Variants in OR3A2 observed in about 807,000 individuals in gnomAD.
OR3A2 encodes olfactory receptor family 3 subfamily A member 2, also known as olfactory receptor 3A2.
For missense variants in OR3A2, 318 were observed against 392.8 expected, an observed-to-expected ratio of 0.81 and a Z score of 1.61; for synonymous variants, 126 against 159.3, an observed-to-expected ratio of 0.79 and a Z score of 1.57.
rs552615698 is a variant in OR3A2, at chr17:3,375,139, CTTTTTTTTTTTTTTTT to C, written c.-179+8649_-179+8664del. The stretch of plus-strand genomic sequence containing the variant: ...TATCTGGCAATTCAGAGCCTTCTTC[CTTTTTTTTTTTTTTTT>C]TTTTTTTTTTTTTTCTTTTTGAGAC... On this transcript the variant is annotated intron_variant, in intron 2 of 4. Coordinates refer to the OR3A2 transcript ENST00000573491. Among the ~76,000 whole-genome samples the C allele has an allele frequency of 0.013, 378 of 28,724 alleles. 13 individuals are homozygous for C. In the South Asian group the frequency reaches 0.27, roughly 20 times the overall value. The allele number at this position is 28,724 out of a possible 152,430, so 18.8% of individuals were successfully genotyped here. A position where few individuals can be genotyped will look rare whatever the true frequency, so the allele number is the denominator to read the frequency against.
chr17:3,347,241 T>C (rs200610556), intron 2 of OR3A2, among the ~76,000 whole-genome samples: 5 of 17,562 alleles, frequency 2.8e-4, no homozygotes, highest in African/African-American at 6.9e-4. Context: ...TATGTCTTCT[T>C]TTTTTTTTTA....
chr17:3,340,354 G>A (rs1204979424), intron 2 of OR3A2, among the ~76,000 whole-genome samples: 1 of 152,070 alleles, frequency 6.6e-6, no homozygotes, highest in Admixed American at 6.6e-5. Flanking sequence ...TTTTCATTGT[G>A]ATGTTAGGGT....
At chr17:3,321,699 T>G (rs2049123723) in intron 3 of OR3A2, among the ~76,000 whole-genome samples, 1 of 152,230 alleles carries the variant, frequency 6.6e-6, no homozygotes. Flanking sequence ...TTGGCATATG[T>G]TGAACCAGCC....
At chr17:3,378,865 G>A (rs1027623475) in intron 2 of OR3A2, among the ~76,000 whole-genome samples, 2 of 152,130 alleles carry the variant, frequency 1.3e-5, no homozygotes, top group East Asian at 3.8e-4. Flanking sequence ...AACTTGCTGT[G>A]CCCAAGTCTT....
chr17:3,283,568 C>T (rs952609439), intron 1 of OR3A2, among the ~76,000 whole-genome samples: 8 of 152,090 alleles, frequency 5.3e-5, no homozygotes, highest in Non-Finnish European at 7.4e-5. Flanking sequence ...AAAATGTGTA[C>T]GATATCATCA....
chr17:3,354,588 C>A (rs368220542), intron 2 of OR3A2, among the ~76,000 whole-genome samples: 1 of 151,076 alleles, frequency 6.6e-6, no homozygotes. Flanking sequence ...TTCAAAGTTC[C>A]GTGGTATCAG....
rs61124691 is a variant in OR3A2 at position 3,325,203 on chromosome 17, A to ATTTTT, written c.-85+10825_-85+10829dup. ...CAGCTTGTGTTCAAAGATCCTTCCA[A>ATTTTT]TTTTTTTTTTTTTTTTTTTTTTTGA... On this transcript the variant is annotated intron_variant, in intron 3 of 4. Coordinates refer to the OR3A2 transcript ENST00000573491. Among the ~76,000 whole-genome samples the ATTTTT allele has an allele frequency of 7.1e-4, 77 of 108,582 alleles. 2 individuals carry two copies. Among genetic ancestry groups the ATTTTT allele is most frequent in the African/African-American group, 2.0e-3 (56 of 27,516 alleles). The allele number at this position is 108,582 out of a possible 152,430, so 71.2% of individuals were successfully genotyped here. A position where few individuals can be genotyped will look rare whatever the true frequency, so the allele number is the denominator to read the frequency against.
In OR3A2 at chr17:3,363,271, T is replaced by TTAGAA. The variant is rs536780866; in HGVS notation, c.-179+20528_-179+20532dup. 1.8e-3 allele frequency among the ~76,000 whole-genome samples: 272 copies of TTAGAA among 151,994 alleles called. 10 individuals are homozygous for TTAGAA. The highest frequency in any genetic ancestry group is 6.0e-3 in the African/African-American group (247 of 41,238). ...TCTTCATGCATATGAGTATACACTT[T>TTAGAA]TAGAAACAGCTAGGTCGCATCTTGA... is the stretch of plus-strand genomic sequence containing the variant. On this transcript the variant is annotated intron_variant, in intron 2 of 4. Coordinates refer to the OR3A2 transcript ENST00000573491.
Position 3,370,000 on chromosome 17 carries a change from C to T in OR3A2, c.-179+13804G>A, listed in dbSNP as rs59972794. Among the ~76,000 whole-genome samples, 1,279 of 152,104 alleles carry T rather than the reference C, an allele frequency of 8.4e-3. 19 individuals are homozygous for T. The highest frequency in any genetic ancestry group is 0.029 in the African/African-American group (1,192 of 41,494). On this transcript the variant is annotated intron_variant, in intron 2 of 4. Transcript: ENST00000573491. ...TGTATTTTTTGTAGATGATGGGTTT[C>T]GTCATGTTGCCCAGGCTGGTCTCGA...
intron 3 of OR3A2, among the ~76,000 whole-genome samples, chr17:3,329,867 C>T (rs1278410922): frequency 1.6e-5 from 2 of 127,202 alleles, no homozygotes; most frequent in African/African-American, 7.0e-5. Context: ...AAATTTCCCT[C>T]TACACACTGC....
At chr17:3,305,133 G>C (rs530040569) in intron 3 of OR3A2, among the ~76,000 whole-genome samples, 1 of 107,628 alleles carries the variant, frequency 9.3e-6, no homozygotes, top group Admixed American at 9.4e-5. Flanking sequence ...TGCATATTAA[G>C]TTTGCATAAA....
chr17:3,353,201 T>C (rs1350837658), intron 2 of OR3A2, among the ~76,000 whole-genome samples: 2 of 151,756 alleles, frequency 1.3e-5, no homozygotes, highest in East Asian at 1.9e-4. Flanking sequence ...TAACAATTTA[T>C]GTTTCAGCAA....
intron 3 of OR3A2, among the ~76,000 whole-genome samples, chr17:3,326,367 T>A (rs925050126): frequency 5.9e-5 from 9 of 152,018 alleles, no homozygotes; most frequent in African/African-American, 2.2e-4. Context: ...GAAGAAAATC[T>A]AGGCAATACC....
chr17:3,355,437 TCTCTCTCTCTCTCTCTCTCTCTC>T (rs1400068671), intron 2 of OR3A2, among the ~76,000 whole-genome samples: 1 of 103,362 alleles, frequency 9.7e-6, no homozygotes, highest in Admixed American at 9.8e-5. Context: ...TTTCTCTCTC[TCTCTCTCTCTCTCTCTCTCTCTC>T]TTTAGCTCTA....
chr17:3,315,225 A>G lies in OR3A2; in HGVS notation c.-85+20808T>C, dbSNP rs368721622. On this transcript the variant is annotated intron_variant, in intron 3 of 4. Coordinates refer to the OR3A2 transcript ENST00000573491. ...TCCAGTAATGGGACTGCTGGGTCAA[A>G]TAATAGCTCTGTTTTAAGTTCTTTG... Among the ~76,000 whole-genome samples, 7 of 152,342 alleles carry G rather than the reference A, an allele frequency of 4.6e-5. No individual in the cohort carries two copies. In the South Asian group the frequency reaches 1.5e-3, roughly 32 times the overall value.
intron 2 of OR3A2, among the ~76,000 whole-genome samples, chr17:3,379,136 G>A (rs1344696819): frequency 6.6e-6 from 1 of 152,152 alleles, no homozygotes; most frequent in Non-Finnish European, 1.5e-5. Context: ...GAATAGTCAA[G>A]CTAGAGAAGT....
chr17:3,352,491 C>T (rs948418396), intron 2 of OR3A2, among the ~76,000 whole-genome samples: 1 of 151,908 alleles, frequency 6.6e-6, no homozygotes, highest in Non-Finnish European at 1.5e-5. Context: ...GTTTTCCCAA[C>T]ACCATTTGTT....
At chr17:3,332,133 A>G (rs1191908399) in intron 3 of OR3A2, among the ~76,000 whole-genome samples, 1 of 152,132 alleles carries the variant, frequency 6.6e-6, no homozygotes, top group Non-Finnish European at 1.5e-5. Flanking sequence ...TCAGACAGGG[A>G]CATTTAAGTC....
intron 2 of OR3A2, among the ~76,000 whole-genome samples, chr17:3,348,053 G>T (rs914500728): frequency 6.6e-6 from 1 of 152,164 alleles, no homozygotes; most frequent in Admixed American, 6.5e-5. Flanking sequence ...CTTTTGAGAA[G>T]TGTCTGTTCA....
Sources: allele counts gnomAD v4.1 joint callset (sites outside exome capture counted in the v4.1 genomes callset), GRCh38; gene constraint gnomAD v4.1.1; transcripts MANE v1.5; gene names NCBI Gene and HGNC (gene_info 2026-07-23, HGNC 2026-07-21).